The following TIAM1 variants were observed in gnomAD, a reference collection of about 807,000 sequenced individuals.
TIAM1 encodes the protein rho guanine nucleotide exchange factor TIAM1.
Under a neutral mutation model 163.5 loss-of-function variants are expected in TIAM1, and 65 were observed. The ratio of observed to expected loss-of-function variants is 0.40; its 90% CI spans 0.33 to 0.49. The LOEUF (loss-of-function observed/expected upper bound fraction) is 0.49, where lower values mean the gene tolerates loss of function less well. Ranked by LOEUF, TIAM1 falls within the 20% of genes least tolerant of loss-of-function variation. TIAM1 has a pLI of 0.77. For missense variants in TIAM1, 1,789 were observed against 2,044.7 expected, an observed-to-expected ratio of 0.87 and a Z score of 2.41; for synonymous variants, 833 against 810.1, an observed-to-expected ratio of 1.03 and a Z score of -0.48.
In TIAM1 at chr21:31,120,782, C is replaced by A; in HGVS notation, c.4362G>T (p.Arg1454Ser). The A allele has an allele frequency of 4.3e-6, 7 of 1,613,996 alleles. No individual in the cohort carries two copies. The highest frequency in any genetic ancestry group is 5.9e-6 in the Non-Finnish European group (7 of 1,180,008). ...GRRRRRLARN[R>S]FTIDSDAVSA... ...AGACGGCATCAGAATCAATGGTAAA[C>A]CTGTTTCGAGCCAGCCGCCGCCTCC... The change falls in exon 28 of 28, where the codon AGG becomes AGT. Residue 1454 changes from arginine to serine, a missense_variant. Arg to Ser is a moderately radical substitution (Grantham distance 110). Around this residue, in one of 5 missense-constraint regions of TIAM1, gnomAD observed 415 missense variants for 439.2 expected, o/e 0.94. Coordinates refer to ENST00000541036, the MANE Select transcript of TIAM1 (RefSeq NM_001353694.2). This position sits in a 1 kb window ranked among gnomAD's most constrained non-coding sequence, Gnocchi z 4.2.
intron 11 of TIAM1, among the ~76,000 whole-genome samples, chr21:31,209,190 T>C (rs1201526545): frequency 6.6e-6 from 1 of 152,164 alleles, no homozygotes; most frequent in Non-Finnish European, 1.5e-5. Flanking sequence ...CCTCTGAGCT[T>C]CACTTCCTCC....
chr21:31,491,778 G>A lies in TIAM1; in HGVS notation c.-421-27743C>T, dbSNP rs150058967. ...AAATAAAACTGATTGATGAATCTACGAGACTTTGGAGAAGAAAATCTTCCA... is the reference window on the plus strand; with the variant it reads ...AAATAAAACTGATTGATGAATCTACAAGACTTTGGAGAAGAAAATCTTCCA... On this transcript the variant is annotated intron_variant, in intron 1 of 28. Transcript: ENST00000286827. Among the ~76,000 whole-genome samples the A allele has an allele frequency of 9.2e-5, 14 of 152,336 alleles. No homozygotes were observed. In the South Asian group the frequency reaches 1.9e-3, roughly 20 times the overall value.
chr21:31,511,349 C>A (rs1184491601), intron 1 of TIAM1, among the ~76,000 whole-genome samples: 2 of 152,164 alleles, frequency 1.3e-5, no homozygotes, highest in African/African-American at 4.8e-5. Context: ...TAATAAAATT[C>A]AATAATTGAC....
At chr21:31,545,541 C>G (rs2048459212) in intron 1 of TIAM1, among the ~76,000 whole-genome samples, 2 of 152,104 alleles carry the variant, frequency 1.3e-5, no homozygotes, top group African/African-American at 4.8e-5. Flanking sequence ...TAGAGAAAAG[C>G]TGAAGTCATG....
At chr21:31,201,789 A>T (rs7277015) in intron 12 of TIAM1, among the ~76,000 whole-genome samples, 26,224 of 152,102 alleles carry the variant, frequency 0.17, 3,340 homozygotes, top group East Asian at 0.4. Flanking sequence ...AATGACTAAG[A>T]ACAGAGAGAG....
At chr21:31,391,983 A>C (rs144061674) in intron 2 of TIAM1, among the ~76,000 whole-genome samples, 1 of 152,204 alleles carries the variant, frequency 6.6e-6, no homozygotes, top group East Asian at 1.9e-4. Flanking sequence ...TACTTAATAC[A>C]TTACATGAGA....
At chr21:31,533,399 C>A (rs1262600372) in intron 1 of TIAM1, among the ~76,000 whole-genome samples, 2 of 152,100 alleles carry the variant, frequency 1.3e-5, no homozygotes, top group South Asian at 4.1e-4. Flanking sequence ...ATTTCATAAC[C>A]TATTTTATTC....
intron 2 of TIAM1, among the ~76,000 whole-genome samples, chr21:31,310,605 C>A (rs2074888279): frequency 6.6e-6 from 1 of 152,184 alleles, no homozygotes; most frequent in Non-Finnish European, 1.5e-5. Flanking sequence ...CACAGACTTA[C>A]AACCGGGACA....
In TIAM1 at chr21:31,124,538, C is replaced by A; in HGVS notation, c.4290G>T (p.Pro1430=). 6.2e-7 allele frequency: 1 copy of A among 1,613,242 alleles called. No homozygotes were observed. Among genetic ancestry groups the A allele is most frequent in the Non-Finnish European group, 8.5e-7 (1 of 1,179,964 alleles). Residue 1430 remains proline, a synonymous_variant, in exon 27 of 28, where the codon CCG becomes CCT. Transcript: ENST00000541036. ...KRLCALKGAR[P]AMSRAVSAPS... ...CCACAGTACCTGCCCTGCTCATGGCCGGCCTGGCCCCCTTCAGTGCACACA... is the reference window on the plus strand; with the variant it reads ...CCACAGTACCTGCCCTGCTCATGGCAGGCCTGGCCCCCTTCAGTGCACACA...
At chr21:31,394,012 C>G (rs1054932906) in intron 2 of TIAM1, among the ~76,000 whole-genome samples, 5 of 151,920 alleles carry the variant, frequency 3.3e-5, no homozygotes, top group Non-Finnish European at 1.5e-5. Flanking sequence ...TGTGAATATA[C>G]ATTTATATTT....
intron 2 of TIAM1, among the ~76,000 whole-genome samples, chr21:31,445,222 T>G (rs1008852343): frequency 6.6e-6 from 1 of 152,152 alleles, no homozygotes; most frequent in African/African-American, 2.4e-5. Flanking sequence ...ACACGGAAAC[T>G]CCAAGGCCTC....
chr21:31,423,810 G>A (rs551198538), intron 2 of TIAM1, among the ~76,000 whole-genome samples: 2 of 132,144 alleles, frequency 1.5e-5, no homozygotes, highest in Admixed American at 1.8e-4. Context: ...TGAAACGTCC[G>A]GAATAGGCAA....
At chr21:31,185,564 ATATAT>A (rs1294803294) in intron 14 of TIAM1, among the ~76,000 whole-genome samples, 12 of 130,016 alleles carry the variant, frequency 9.2e-5, no homozygotes, top group Admixed American at 3.9e-4. Flanking sequence ...TATTAATATA[ATATAT>A]TATATATTAA....
intron 2 of TIAM1, among the ~76,000 whole-genome samples, chr21:31,410,400 G>A (rs2077331395): frequency 6.6e-6 from 1 of 151,940 alleles, no homozygotes; most frequent in South Asian, 2.1e-4. Flanking sequence ...GTACGTAAAT[G>A]AGACAGTGAG....
intron 2 of TIAM1, among the ~76,000 whole-genome samples, chr21:31,350,015 A>T (rs2076208547): frequency 6.6e-6 from 1 of 152,240 alleles, no homozygotes; most frequent in Non-Finnish European, 1.5e-5. Context: ...TTCTTAAACG[A>T]TCTTAGCATT....
At chr21:31,170,826 A>G (rs2084467669) in intron 15 of TIAM1, among the ~76,000 whole-genome samples, 1 of 151,972 alleles carries the variant, frequency 6.6e-6, no homozygotes. Context: ...TCATGAGGTC[A>G]GGAGTTCGAG....
chr21:31,169,444 A>C (rs930721374), intron 15 of TIAM1, among the ~76,000 whole-genome samples: 1 of 152,306 alleles, frequency 6.6e-6, no homozygotes, highest in East Asian at 1.9e-4. Context: ...GAAATGAGAG[A>C]AGACTGGAAC....
chr21:31,394,472 T>G (rs965518823), intron 2 of TIAM1, among the ~76,000 whole-genome samples: 3 of 152,052 alleles, frequency 2.0e-5, no homozygotes, highest in African/African-American at 7.2e-5. Flanking sequence ...GGTACAACAC[T>G]GAGAGTGAAG....
intron 2 of TIAM1, among the ~76,000 whole-genome samples, chr21:31,327,062 T>C (rs920355969): frequency 2.0e-5 from 3 of 152,148 alleles, no homozygotes; most frequent in Non-Finnish European, 2.9e-5. Context: ...TGACAAATGG[T>C]TCACTTATTT....
Sources: allele counts gnomAD v4.1 joint callset (sites outside exome capture counted in the v4.1 genomes callset), GRCh38; gene constraint gnomAD v4.1.1; regional missense constraint gnomAD v4.1.1; non-coding constraint Gnocchi (gnomAD v3.1); transcripts MANE v1.5; gene names NCBI Gene and HGNC (gene_info 2026-07-23, HGNC 2026-07-21).